Variants in SLC38A10 observed in about 807,000 individuals in gnomAD.
SLC38A10 encodes Sodium-coupled neutral amino acid transporter 10.
In SLC38A10, 53 loss-of-function variants were observed where a neutral mutation model predicts 81.0. That is an observed-to-expected ratio of 0.65 (90% CI 0.53 to 0.82). The LOEUF is 0.82. Ranked by LOEUF, SLC38A10 falls within the 40% of genes least tolerant of loss-of-function variation. The probability of loss-of-function intolerance (pLI) is 0.00; values close to 1 mark genes in which losing one functional copy is unlikely to be tolerated. For synonymous variants in SLC38A10, 665 were observed against 655.3 expected, an observed-to-expected ratio of 1.01 and a Z score of -0.23; for missense variants, 1,471 against 1,545.0, an observed-to-expected ratio of 0.95 and a Z score of 0.80.
At chr17:81,272,480 C>A (rs1298176386) in intron 9 of SLC38A10, 36 bp downstream of exon 9, 1 of 1,472,250 alleles carries the variant, frequency 6.8e-7, no homozygotes, top group Non-Finnish European at 9.2e-7. Context: ...GCCCCGGGTC[C>A]CACTCCCCGG....
chr17:81,266,780 G>A (rs2063074256), intron 10 of SLC38A10, among the ~76,000 whole-genome samples: 1 of 152,220 alleles, frequency 6.6e-6, no homozygotes, highest in East Asian at 1.9e-4. Flanking sequence ...TGCTGAGCAG[G>A]AGAGTTCGCA....
In SLC38A10 at chr17:81,245,645, C is replaced by A; in HGVS notation, c.3271G>T (p.Ala1091Ser). ...CCCCCCGCAGCCTGGCGGAGCTGGG[C>A]ATCCAGGGCGCCACGGAGGTCGTTC... The part of the protein sequence containing the change: ...QVNDLRGALD[A>S]QLRQAAGGAL... The change falls in exon 16 of 16, where the codon GCC (alanine) becomes TCC (serine). Residue 1091 changes from alanine to serine, a missense_variant. By Grantham distance (99) the Ala-to-Ser change is moderately conservative. Around this residue, in one of 2 missense-constraint regions of SLC38A10, gnomAD observed 751 missense variants for 717.4 expected, o/e 1.05. Transcript: ENST00000374759. 1 of 1,612,302 alleles carries A rather than the reference C, an allele frequency of 6.2e-7. No homozygotes were observed. Among genetic ancestry groups the A allele is most frequent in the Non-Finnish European group, 8.5e-7 (1 of 1,179,732 alleles).
chr17:81,280,709 C>A lies in SLC38A10; in HGVS notation c.526G>T (p.Gly176Cys), dbSNP rs767217469. Residue 176 changes from glycine to cysteine, a missense_variant, in exon 6 of 16, where the codon GGC (glycine) becomes TGC (cysteine). Around this residue, in one of 2 missense-constraint regions of SLC38A10, gnomAD observed 720 missense variants for 827.7 expected, o/e 0.87. Transcript: ENST00000374759. Reference protein sequence around the residue: ...FVIVLSSLKHGLFSGQWLRRV... With the variant: ...FVIVLSSLKHCLFSGQWLRRV... ...CGCAGCCACTGCCCACTGAAGAGGC[C>A]GTGCTTGAGAGAGGAGAGCACGATC... 1.2e-6 allele frequency: 2 copies of A among 1,613,332 alleles called. No homozygotes were observed. Among genetic ancestry groups the A allele is most frequent in the African/African-American group, 2.7e-5 (2 of 74,928 alleles).
chr17:81,252,332 A>G lies in SLC38A10; in HGVS notation c.1808T>C (p.Leu603Pro). Residue 603 changes from leucine to proline, a missense_variant, in exon 13 of 16, where the codon CTG (leucine) becomes CCG (proline). Coordinates refer to ENST00000374759, the MANE Select transcript of SLC38A10 (RefSeq NM_001037984.3). ...CAGCACTGCCTGGGGCCGAGGATGCAGGCCCCTGTCTCCTGGCCCCAGGTC... is the reference window on the plus strand; with the variant it reads ...CAGCACTGCCTGGGGCCGAGGATGCGGGCCCCTGTCTCCTGGCCCCAGGTC... ...KEDLGPGDRGLHPRPQAVLSE... is the reference protein window; with the variant it reads ...KEDLGPGDRGPHPRPQAVLSE... The G allele has an allele frequency of 1.2e-6, 2 of 1,612,740 alleles. No homozygotes were observed. Among genetic ancestry groups the G allele is most frequent in the Non-Finnish European group, 1.7e-6 (2 of 1,179,800 alleles).
rs376891129 is a variant in SLC38A10 at position 81,282,350 on chromosome 17, G to A, written c.358-18C>T. On this transcript the variant is annotated intron_variant, in intron 4 of 15. Coordinates refer to ENST00000374759, the MANE Select transcript of SLC38A10 (RefSeq NM_001037984.3). ...CCGCCCACCTGCGGGGAGCCGGCAGGGGGTCTTGGCCACAGCCCGTGCCTG... is the reference window on the plus strand; with the variant it reads ...CCGCCCACCTGCGGGGAGCCGGCAGAGGGTCTTGGCCACAGCCCGTGCCTG... The A allele has an allele frequency of 5.6e-5, 90 of 1,596,584 alleles. No individual in the cohort carries two copies. Among genetic ancestry groups the A allele is most frequent in the Admixed American group, 8.9e-5 (5 of 56,206 alleles).
In SLC38A10 at chr17:81,252,254, C is replaced by T. The variant is rs750774319; in HGVS notation, c.1886G>A (p.Gly629Glu). Residue 629 changes from glycine (G) to glutamate (E), a missense_variant, in exon 13 of 16, where the codon GGA becomes GAA. By Grantham distance (98) the Gly-to-Glu change is moderately conservative. Coordinates refer to ENST00000374759, the MANE Select transcript of SLC38A10 (RefSeq NM_001037984.3). ...CCCGGCGGCGTTGCCTGGCGGCGGTCCCCCCTTGGCCTTTTCCCCTCCACC... is the reference window on the plus strand; with the variant it reads ...CCCGGCGGCGTTGCCTGGCGGCGGTTCCCCCTTGGCCTTTTCCCCTCCACC... ...AVGGGEKAKG[G>E]PPPGNAAGDT... The T allele has an allele frequency of 3.3e-5, 51 of 1,547,982 alleles. No homozygotes were observed. The highest frequency in any genetic ancestry group is 4.4e-5 in the Non-Finnish European group (51 of 1,147,290).
rs1479868362 is a variant in SLC38A10, at chr17:81,281,720, G to A, written c.501+469C>T. ...GAACCCAGGAGATGGAGGTTGCAGTGAGCCGAGATTGCGCCACTGCACTCC... is the reference window on the plus strand; with the variant it reads ...GAACCCAGGAGATGGAGGTTGCAGTAAGCCGAGATTGCGCCACTGCACTCC... On this transcript the variant is annotated intron_variant, in intron 5 of 15. Coordinates refer to ENST00000374759, the MANE Select transcript of SLC38A10 (RefSeq NM_001037984.3). This position sits in a 1 kb window ranked among gnomAD's most constrained non-coding sequence, Gnocchi z 5.3. Among the ~76,000 whole-genome samples the A allele has an allele frequency of 6.6e-6, 1 of 152,176 alleles. No homozygotes were observed. Among genetic ancestry groups the A allele is most frequent in the Admixed American group, 6.5e-5 (1 of 15,274 alleles).
chr17:81,269,284 C>T (rs1024707119), intron 10 of SLC38A10, among the ~76,000 whole-genome samples: 7 of 152,032 alleles, frequency 4.6e-5, no homozygotes, highest in African/African-American at 1.4e-4. Flanking sequence ...GAGGCTGAGG[C>T]GGGTGGATTA....
chr17:81,249,528 A>AGGG (rs1567922760), intron 14 of SLC38A10, among the ~76,000 whole-genome samples: 10 of 115,658 alleles, frequency 8.6e-5, no homozygotes, highest in Non-Finnish European at 3.4e-5. Context: ...AGGAGGGAGG[A>AGGG]AGGAAGAGGA....
chr17:81,259,019 T>C (rs1029598237), intron 11 of SLC38A10, among the ~76,000 whole-genome samples: 2 of 152,142 alleles, frequency 1.3e-5, no homozygotes, highest in African/African-American at 4.8e-5. Context: ...TCGGAGAGTG[T>C]CCCTCGGGGC....
chr17:81,253,896 C>A lies in SLC38A10; in HGVS notation c.1289-656G>T, dbSNP rs2062947612. Among the ~76,000 whole-genome samples, 1 of 152,148 alleles carries A rather than the reference C, an allele frequency of 6.6e-6. No individual in the cohort carries two copies. On this transcript the variant is annotated intron_variant, in intron 11 of 15. Transcript: ENST00000374759. This position sits in a 1 kb window ranked among gnomAD's most constrained non-coding sequence, Gnocchi z 4.1. The stretch of plus-strand genomic sequence containing the variant: ...CCATCATCATCACCATCACCACTAC[C>A]ATCACCACCATCACTGCCAACCCTA...
rs142704320 is a variant in SLC38A10 at position 81,246,821 on chromosome 17, G to C, written c.2242+64C>G. 6 of 1,521,134 alleles carry C rather than the reference G, an allele frequency of 3.9e-6. No individual in the cohort carries two copies. The South Asian group carries it at 6.3e-5, about 16-fold the overall frequency. 94.2% of individuals were successfully genotyped at this position (1,521,134 alleles called of 1,614,324 possible). On this transcript the variant is annotated intron_variant, in intron 15 of 15. Coordinates refer to ENST00000374759, the MANE Select transcript of SLC38A10 (RefSeq NM_001037984.3). ...AGGCCACCGAGCCTCAGACCCAGCC[G>C]CATGAGGACAGCAGGAGACCCCCTG... is the stretch of plus-strand genomic sequence containing the variant.
chr17:81,249,944 C>A (rs749995386), intron 14 of SLC38A10: 26 of 838,054 alleles, frequency 3.1e-5, no homozygotes, highest in Non-Finnish European at 4.1e-5. Context: ...GTGCGCAGGT[C>A]TGGGGCCTGA....
chr17:81,263,693 G>A (rs905309117), intron 10 of SLC38A10: 1 of 152,382 alleles, frequency 6.6e-6, no homozygotes, highest in Non-Finnish European at 1.5e-5. Flanking sequence ...CACCCTGGCA[G>A]AGACACCAGC....
rs755993496 is a variant in SLC38A10 at position 81,260,356 on chromosome 17, G to C, written c.1170C>G (p.Ser390Arg). 4 of 1,611,180 alleles carry C rather than the reference G, an allele frequency of 2.5e-6. No homozygotes were observed. Among genetic ancestry groups the C allele is most frequent in the Middle Eastern group, 3.3e-4 (2 of 6,052 alleles). Residue 390 changes from serine (S) to arginine (R), a missense_variant, in exon 11 of 16, where the codon AGC becomes AGG. Transcript: ENST00000374759. ...LWVGLGVLVV[S>R]TVTTLSVSEE... ...CGCTCACAGACAGTGTGGTGACAGT[G>C]CTCACCACCAGGACGCCCAGGCCGA...
At position 81,252,222 on chromosome 17, in the gene SLC38A10, C is replaced by G. The variant is rs772321036; in HGVS notation, c.1918G>C (p.Gly640Arg). 1 of 1,533,066 alleles carries G rather than the reference C, an allele frequency of 6.5e-7. No individual in the cohort carries two copies. Among genetic ancestry groups the G allele is most frequent in the Non-Finnish European group, 8.7e-7 (1 of 1,143,948 alleles). 95.0% of individuals were successfully genotyped at this position (1,533,066 alleles called of 1,614,324 possible). ...PPPGNAAGDT[G>R]QPAEDSDHGG... Reference sequence around the variant, plus strand: ...TGGTCGCTGTCCTCTGCGGGCTGCCCTGTGTCCCCGGCGGCGTTGCCTGGC... The same window carrying G: ...TGGTCGCTGTCCTCTGCGGGCTGCCGTGTGTCCCCGGCGGCGTTGCCTGGC... Residue 640 changes from glycine (G) to arginine (R), a missense_variant, in exon 13 of 16, where the codon GGG becomes CGG. Transcript: ENST00000374759.
chr17:81,254,805 C>T (rs2062957212), intron 11 of SLC38A10, among the ~76,000 whole-genome samples: 1 of 152,216 alleles, frequency 6.6e-6, no homozygotes, highest in Non-Finnish European at 1.5e-5. Context: ...ACATACTGGT[C>T]TCCATCACAC....
chr17:81,272,750 G>A (rs187725308), intron 8 of SLC38A10, 123 bp from the exon 9 acceptor site: 16 of 575,326 alleles, frequency 2.8e-5, no homozygotes, highest in African/African-American at 1.7e-4. Flanking sequence ...GGCCGGCCGC[G>A]CACTCACCTG....
chr17:81,256,423 A>T (rs2062973260), intron 11 of SLC38A10, among the ~76,000 whole-genome samples: 1 of 152,152 alleles, frequency 6.6e-6, no homozygotes, highest in Non-Finnish European at 1.5e-5. Flanking sequence ...TCCGGACCCC[A>T]AGAGTCGGCA....
Sources: allele counts gnomAD v4.1 joint callset (sites outside exome capture counted in the v4.1 genomes callset), GRCh38; gene constraint gnomAD v4.1.1; regional missense constraint gnomAD v4.1.1; non-coding constraint Gnocchi (gnomAD v3.1); transcripts MANE v1.5; gene names NCBI Gene and HGNC (gene_info 2026-07-23, HGNC 2026-07-21).